The following ANKRD30BL variants were observed in gnomAD, a reference collection of about 807,000 sequenced individuals.
The protein encoded by ANKRD30BL is ankyrin repeat domain 30B like.
In ANKRD30BL, 20 loss-of-function variants were observed where a neutral mutation model predicts 18.4. That is an observed-to-expected ratio of 1.09 (90% CI 0.77 to 1.58). The LOEUF is 1.58. Among genes scored for constraint, ANKRD30BL ranks in the 40% most tolerant of loss-of-function variants. ANKRD30BL has a pLI of 0.00. For missense variants in ANKRD30BL, 224 were observed against 268.6 expected, an observed-to-expected ratio of 0.83 and a Z score of 1.16; for synonymous variants, 72 against 100.9, an observed-to-expected ratio of 0.71 and a Z score of 1.72.
At chr2:132,181,173 T>C (rs528583883) in intron 1 of ANKRD30BL, among the ~76,000 whole-genome samples, 1 of 151,222 alleles carries the variant, frequency 6.6e-6, no homozygotes, top group Non-Finnish European at 1.5e-5. Context: ...AAAAAAATAT[T>C]AAAATGAGGG....
At position 132,179,342 on chromosome 2, in the gene ANKRD30BL, G is replaced by A. The variant is rs1323840951; in HGVS notation, n.442-22196C>T. On this transcript the variant is annotated intron_variant and non_coding_transcript_variant, in intron 1 of 4. Transcript: ENST00000470729. ...TCCCTCTGTTGCCCAGGCTGGAGTT[G>A]CCATGGTGTGATATCGGCTCACTGC... 2.7e-5 allele frequency among the ~76,000 whole-genome samples: 4 copies of A among 147,926 alleles called. No homozygotes were observed. The East Asian group carries it at 7.9e-4, about 29-fold the overall frequency.
intron 1 of ANKRD30BL, among the ~76,000 whole-genome samples, chr2:132,229,714 G>T (rs1342770893): frequency 6.6e-6 from 1 of 151,344 alleles, no homozygotes; most frequent in East Asian, 2.0e-4. Flanking sequence ...GATAGAGCGG[G>T]TTTGAAAAAC....
At chr2:132,219,620 A>G (rs1679613015) in intron 1 of ANKRD30BL, among the ~76,000 whole-genome samples, 1 of 152,126 alleles carries the variant, frequency 6.6e-6, no homozygotes, top group South Asian at 2.1e-4. Flanking sequence ...GGAAATTTGG[A>G]GAGCTTTGAG....
chr2:132,215,603 C>A (rs1193139401), intron 1 of ANKRD30BL, among the ~76,000 whole-genome samples: 1 of 152,012 alleles, frequency 6.6e-6, no homozygotes, highest in African/African-American at 2.4e-5. Flanking sequence ...TTGATCAATT[C>A]TTTTGAGTGA....
At chr2:132,187,909 C>T (rs995890061) in intron 1 of ANKRD30BL, among the ~76,000 whole-genome samples, 20 of 152,050 alleles carry the variant, frequency 1.3e-4, no homozygotes, top group Non-Finnish European at 2.5e-4. Flanking sequence ...CAGGCACCTG[C>T]CACCATGCCC....
At chr2:132,234,949 C>CA (rs979467130) in intron 1 of ANKRD30BL, among the ~76,000 whole-genome samples, 8 of 152,102 alleles carry the variant, frequency 5.3e-5, no homozygotes, top group African/African-American at 1.7e-4. Flanking sequence ...AAAATACTGG[C>CA]AAAACGAATC....
intron 1 of ANKRD30BL, among the ~76,000 whole-genome samples, chr2:132,204,187 G>A (rs1302724683): frequency 6.6e-6 from 1 of 151,984 alleles, no homozygotes. Flanking sequence ...CAGAACAGAA[G>A]GAGTAAAAGG....
At chr2:132,231,485 C>T (rs1392109174) in intron 1 of ANKRD30BL, among the ~76,000 whole-genome samples, 3 of 152,194 alleles carry the variant, frequency 2.0e-5, no homozygotes, top group Admixed American at 6.6e-5. Flanking sequence ...GGTGCACGCA[C>T]CGTGCACGAG....
chr2:132,209,484 T>C (rs531258790), intron 1 of ANKRD30BL, among the ~76,000 whole-genome samples: 11 of 152,132 alleles, frequency 7.2e-5, no homozygotes, highest in Middle Eastern at 6.8e-3. Context: ...TTCGGAGCGA[T>C]TTGAGGCCTA....
chr2:132,254,505 C>T (rs369441179), intron 1 of ANKRD30BL, among the ~76,000 whole-genome samples: 48 of 152,220 alleles, frequency 3.2e-4, no homozygotes, highest in African/African-American at 8.7e-4. Flanking sequence ...TCAGGAGTAG[C>T]GACTGCAGTG....
intron 1 of ANKRD30BL, among the ~76,000 whole-genome samples, chr2:132,204,658 A>G (rs12162381): frequency 0.085 from 5,890 of 69,070 alleles, no homozygotes; most frequent in East Asian, 0.21. Context: ...GAGAAATGGC[A>G]GAATAGAAAG....
chr2:132,171,807 CT>C (rs1323690099), intron 1 of ANKRD30BL, among the ~76,000 whole-genome samples: 2 of 152,108 alleles, frequency 1.3e-5, no homozygotes, highest in Non-Finnish European at 2.9e-5. Flanking sequence ...ATTGCACAAC[CT>C]TTACCACCGT....
At chr2:132,151,389 A>T (rs1328826832) in intron 4 of ANKRD30BL, among the ~76,000 whole-genome samples, 1 of 152,298 alleles carries the variant, frequency 6.6e-6, no homozygotes, top group Admixed American at 6.5e-5. Context: ...ATAACATTTT[A>T]AAAATGCTTA....
Position 132,172,794 on chromosome 2 carries a change from G to A in ANKRD30BL, n.442-15648C>T, listed in dbSNP as rs111487761. 8.0e-4 allele frequency among the ~76,000 whole-genome samples: 121 copies of A among 151,174 alleles called. 1 individual carries two copies. Among genetic ancestry groups the A allele is most frequent in the Admixed American group, 1.9e-3 (29 of 15,108 alleles). On this transcript the variant is annotated intron_variant and non_coding_transcript_variant, in intron 1 of 4. Transcript: ENST00000470729. ...ACAATCTCAGCTCACTGAAACCTCC[G>A]CCTCCCAGGTTCAAGTGATTCTTTT...
chr2:132,167,825 C>T (rs1482756151), intron 1 of ANKRD30BL, among the ~76,000 whole-genome samples: 1 of 152,162 alleles, frequency 6.6e-6, no homozygotes, highest in Non-Finnish European at 1.5e-5. Context: ...ATTGTTACTT[C>T]ACACGTAGTG....
chr2:132,209,130 AGTGGAT>A, intron 1 of ANKRD30BL, among the ~76,000 whole-genome samples: 1 of 152,088 alleles, frequency 6.6e-6, no homozygotes, highest in Non-Finnish European at 1.5e-5. Flanking sequence ...AGAATCTGCA[AGTGGAT>A]ATTTTGAGTG....
chr2:132,240,189 T>C (rs537269431), intron 1 of ANKRD30BL, among the ~76,000 whole-genome samples: 1 of 151,940 alleles, frequency 6.6e-6, no homozygotes, highest in Non-Finnish European at 1.5e-5. Flanking sequence ...CAGAAACTAC[T>C]TTTTGATGTG....
intron 1 of ANKRD30BL, among the ~76,000 whole-genome samples, chr2:132,210,276 C>G (rs1362149086): frequency 6.6e-6 from 1 of 151,370 alleles, no homozygotes; most frequent in Non-Finnish European, 1.5e-5. Context: ...ATGAACCTTT[C>G]TTTTGATTGA....
At chr2:132,162,813 G>A, upstream of ANKRD30BL, among the ~76,000 whole-genome samples, 1 of 152,278 alleles carries the variant, frequency 6.6e-6, no homozygotes, top group Non-Finnish European at 1.5e-5. Flanking sequence ...GCAGTCGCCA[G>A]GATGCGGCTG....
Sources: gnomAD v4.1 joint callset for allele counts (sites outside exome capture counted in the v4.1 genomes callset) on GRCh38, gnomAD v4.1.1 for gene constraint, MANE v1.5 for transcripts, NCBI Gene and HGNC (gene_info 2026-07-23, HGNC 2026-07-21) for gene names.